TTC28: variants seen among roughly 807,000 people sequenced by gnomAD.
The protein encoded by TTC28 is tetratricopeptide repeat domain 28, also known as tetratricopeptide repeat protein 28.
A neutral mutation model predicts 198.0 loss-of-function variants in TTC28; 61 were observed. The observed-to-expected ratio is 0.31, with a 90% CI of 0.25 to 0.38. The LOEUF (loss-of-function observed/expected upper bound fraction) is 0.38. Among genes scored for constraint, TTC28 ranks in the 10% least tolerant of loss-of-function variants. TTC28 has a pLI of 1.00. For missense variants in TTC28, 2,678 were observed against 3,164.0 expected (o/e 0.85, Z 3.69); for synonymous variants, 1,171 against 1,297.8 (o/e 0.90, Z 2.10).
intron 6 of TTC28, among the ~76,000 whole-genome samples, chr22:28,117,834 A>T (rs1942674065): frequency 6.6e-6 from 1 of 152,244 alleles, no homozygotes; most frequent in Non-Finnish European, 1.5e-5. Context: ...TGTGAAAAAA[A>T]TAGTTAGAAA....
intron 5 of TTC28, among the ~76,000 whole-genome samples, chr22:28,166,105 G>A (rs1309464465): frequency 1.3e-5 from 2 of 152,148 alleles, no homozygotes; most frequent in Non-Finnish European, 2.9e-5. Flanking sequence ...ATGGTAAAGG[G>A]ATCAATTCAA....
At chr22:28,137,908 G>A (rs191186257) in intron 6 of TTC28, among the ~76,000 whole-genome samples, 247 of 152,206 alleles carry the variant, frequency 1.6e-3, no homozygotes, top group African/African-American at 5.6e-3. Flanking sequence ...CCAGCTACCC[G>A]GCAGGCTGAG....
chr22:28,646,876 A>G (rs1343668791), intron 1 of TTC28, among the ~76,000 whole-genome samples: 2 of 152,170 alleles, frequency 1.3e-5, no homozygotes, highest in African/African-American at 4.8e-5. Context: ...GAAAGAAAGG[A>G]AAGAATGGAA....
intron 2 of TTC28, among the ~76,000 whole-genome samples, chr22:28,355,950 C>G (rs1177194097): frequency 1.3e-5 from 2 of 152,208 alleles, no homozygotes; most frequent in African/African-American, 4.8e-5. Flanking sequence ...TCACACTGCC[C>G]TCCTCTATTC....
rs879023788 is a variant in TTC28 at position 27,978,855 on chromosome 22, G to A, written c.*3366C>T. The A allele has an allele frequency of 2.0e-5, 3 of 152,186 alleles. No homozygotes were observed. Among genetic ancestry groups the A allele is most frequent in the East Asian group, 1.9e-4 (1 of 5,206 alleles). 9.4% of individuals were successfully genotyped at this position (152,186 alleles called of 1,614,324 possible). ...GGTTTCTAAGAGAGGGGAGTTGTAC[G>A]GCTTATAGTCATTGTATTTACATCT... is the stretch of plus-strand genomic sequence containing the variant. On this transcript the variant is annotated 3_prime_UTR_variant, in exon 23 of 23. Coordinates refer to ENST00000397906, the MANE Select transcript of TTC28 (RefSeq NM_001145418.2).
In TTC28 at chr22:28,159,043, T is replaced by A. The variant is rs1171347472; in HGVS notation, c.1441+4049A>T. On this transcript the variant is annotated intron_variant, in intron 6 of 22. Transcript: ENST00000397906. ...ACAAGGGATTAATAACCAGAATATATAAGGCACTCAAACAATCTACAGGAA... is the reference window on the plus strand; with the variant it reads ...ACAAGGGATTAATAACCAGAATATAAAAGGCACTCAAACAATCTACAGGAA... 5.3e-5 allele frequency among the ~76,000 whole-genome samples: 8 copies of A among 152,272 alleles called. No homozygotes were observed. In the East Asian group the frequency reaches 1.5e-3, roughly 29 times the overall value.
intron 6 of TTC28, among the ~76,000 whole-genome samples, chr22:28,121,450 C>G (rs1942784659): frequency 6.6e-6 from 1 of 152,224 alleles, no homozygotes. Context: ...CCTCTGATCA[C>G]TTACAGCAAC....
intron 2 of TTC28, among the ~76,000 whole-genome samples, chr22:28,592,633 C>T (rs982957898): frequency 6.6e-6 from 1 of 152,158 alleles, no homozygotes; most frequent in African/African-American, 2.4e-5. Context: ...ACGATCCTTC[C>T]ATTTCAAACC....
At chr22:28,322,461 A>T (rs1049417286) in intron 2 of TTC28, among the ~76,000 whole-genome samples, 65 of 152,260 alleles carry the variant, frequency 4.3e-4, no homozygotes, top group African/African-American at 1.5e-3. Flanking sequence ...ACTCAGGGAG[A>T]TCATTATGAT....
At chr22:28,164,994 G>A (rs1367855787) in intron 5 of TTC28, among the ~76,000 whole-genome samples, 2 of 152,184 alleles carry the variant, frequency 1.3e-5, no homozygotes, top group Non-Finnish European at 2.9e-5. Flanking sequence ...GGACCTGATG[G>A]AGCTGAAAAC....
intron 2 of TTC28, among the ~76,000 whole-genome samples, chr22:28,375,475 T>C (rs1296125535): frequency 6.6e-6 from 1 of 152,148 alleles, no homozygotes; most frequent in Non-Finnish European, 1.5e-5. Flanking sequence ...AACAAAATGG[T>C]TTTAAAGAAA....
In TTC28 at chr22:27,985,382, C is replaced by G. The variant is rs554692765; in HGVS notation, c.5708-26G>C. ...CTAGAGGAACAAAGAATATAAGCATCTGCTTCCTTCGGGAAGATTCCAGAT... is the reference window on the plus strand; with the variant it reads ...CTAGAGGAACAAAGAATATAAGCATGTGCTTCCTTCGGGAAGATTCCAGAT... On this transcript the variant is annotated intron_variant, in intron 21 of 22. Transcript: ENST00000397906. 3.9e-6 allele frequency: 6 copies of G among 1,520,282 alleles called. No individual in the cohort carries two copies. In the African/African-American group the frequency reaches 5.5e-5, roughly 14 times the overall value. The allele number at this position is 1,520,282 out of a possible 1,614,324, so 94.2% of individuals were successfully genotyped here. A position where few individuals can be genotyped will look rare whatever the true frequency, so the allele number is the denominator to read the frequency against.
At chr22:28,014,540 T>C (rs897633118) in intron 13 of TTC28, 148 bp from the exon 14 acceptor site, 3 of 898,212 alleles carry the variant, frequency 3.3e-6, no homozygotes, top group Non-Finnish European at 4.8e-6. Flanking sequence ...TCCGTTCCCT[T>C]CTCTTCCCTT....
intron 5 of TTC28, among the ~76,000 whole-genome samples, chr22:28,230,388 T>C (rs1928710834): frequency 6.6e-6 from 1 of 152,222 alleles, no homozygotes; most frequent in Non-Finnish European, 1.5e-5. Flanking sequence ...TTCTGCAGAT[T>C]ATTAAAATTC....
At chr22:28,097,304 A>G (rs76266313) in intron 10 of TTC28, among the ~76,000 whole-genome samples, 84 of 152,366 alleles carry the variant, frequency 5.5e-4, no homozygotes, top group African/African-American at 2.0e-3. Context: ...CACTACATGT[A>G]AAGATGGCTG....
chr22:28,347,805 G>A (rs993276858), intron 2 of TTC28, among the ~76,000 whole-genome samples: 5 of 152,228 alleles, frequency 3.3e-5, no homozygotes, highest in Admixed American at 1.3e-4. Context: ...CCCAGGAGGC[G>A]GAGGCTGCAG....
At chr22:28,628,184 C>T (rs1269532757) in intron 2 of TTC28, among the ~76,000 whole-genome samples, 1 of 152,158 alleles carries the variant, frequency 6.6e-6, no homozygotes, top group African/African-American at 2.4e-5. Flanking sequence ...GCATGAGCCA[C>T]CATGCCCAGC....
chr22:27,992,153 G>A (rs1406860879), intron 19 of TTC28, among the ~76,000 whole-genome samples: 3 of 150,182 alleles, frequency 2.0e-5, no homozygotes, highest in African/African-American at 7.3e-5. Context: ...ACAGGTGACA[G>A]GGGCCCCATA....
chr22:28,230,453 A>C (rs900871010), intron 5 of TTC28, among the ~76,000 whole-genome samples: 1 of 152,174 alleles, frequency 6.6e-6, no homozygotes, highest in Non-Finnish European at 1.5e-5. Flanking sequence ...ACAACATAAG[A>C]CTGAGTCTTC....
Sources: allele counts gnomAD v4.1 joint callset (sites outside exome capture counted in the v4.1 genomes callset), GRCh38; gene constraint gnomAD v4.1.1; transcripts MANE v1.5; gene names NCBI Gene and HGNC (gene_info 2026-07-23, HGNC 2026-07-21).